The following CDYL2 variants were observed in gnomAD, a reference collection of about 807,000 sequenced individuals.
CDYL2 encodes the protein chromodomain Y like 2.
Under a neutral mutation model 49.4 loss-of-function variants are expected in CDYL2, and 23 were observed. The ratio of observed to expected loss-of-function variants is 0.47; its 90% confidence interval spans 0.34 to 0.66. The LOEUF (loss-of-function observed/expected upper bound fraction) is 0.66. CDYL2 is among the 30% of genes least tolerant of loss of function. The probability of loss-of-function intolerance (pLI) is 0.01; values close to 1 mark genes in which losing one functional copy is unlikely to be tolerated. For synonymous variants in CDYL2, 360 were observed against 268.8 expected (o/e 1.34, Z -3.32); for missense variants, 678 against 656.4 (o/e 1.03, Z -0.36).
In CDYL2 at chr16:80,600,268, T is replaced by C. The variant is rs372085944; in HGVS notation, c.*4120A>G. On this transcript the variant is annotated 3_prime_UTR_variant, in exon 7 of 7. Transcript: ENST00000570137. ...AATGAAAAAATTGGCACCAAACCAG[T>C]ATGCTATTTTTCAAAAGAACAAGTG... The C allele has an allele frequency of 6.6e-6, 1 of 152,172 alleles. No individual in the cohort carries two copies. The highest frequency in any genetic ancestry group is 2.4e-5 in the African/African-American group (1 of 41,452). 9.4% of individuals were successfully genotyped at this position (152,172 alleles called of 1,614,324 possible).
At chr16:80,742,868 A>T (rs1406484989) in intron 1 of CDYL2, among the ~76,000 whole-genome samples, 4 of 148,306 alleles carry the variant, frequency 2.7e-5, no homozygotes, top group African/African-American at 7.5e-5. Flanking sequence ...TGAATGGGTG[A>T]GTGGGTAGAT....
At chr16:80,764,396 A>G (rs571533357) in intron 1 of CDYL2, among the ~76,000 whole-genome samples, 1 of 152,328 alleles carries the variant, frequency 6.6e-6, no homozygotes, top group East Asian at 1.9e-4. Flanking sequence ...GGAAGACCCA[A>G]GAGTACAGTG....
intron 1 of CDYL2, among the ~76,000 whole-genome samples, chr16:80,701,867 G>T (rs924771306): frequency 6.6e-6 from 1 of 152,076 alleles, no homozygotes. Context: ...TAATGAGAAG[G>T]CACTTCTACA....
intron 1 of CDYL2, among the ~76,000 whole-genome samples, chr16:80,790,999 G>C (rs778755572): frequency 6.6e-6 from 1 of 152,204 alleles, no homozygotes; most frequent in Non-Finnish European, 1.5e-5. Context: ...TCCTTCAACA[G>C]AGTATATGAG....
chr16:80,636,886 A>G (rs987090917), intron 2 of CDYL2, among the ~76,000 whole-genome samples: 3 of 152,234 alleles, frequency 2.0e-5, no homozygotes, highest in African/African-American at 4.8e-5. Context: ...AAAAAGGATG[A>G]GTTCATGTCC....
chr16:80,783,701 A>G (rs972425922), intron 1 of CDYL2, among the ~76,000 whole-genome samples: 1 of 152,266 alleles, frequency 6.6e-6, no homozygotes. Context: ...GTCAGATTAC[A>G]TGCTACATAT....
chr16:80,735,532 C>T (rs1267337534), intron 1 of CDYL2, among the ~76,000 whole-genome samples: 2 of 152,162 alleles, frequency 1.3e-5, no homozygotes, highest in Non-Finnish European at 2.9e-5. Flanking sequence ...GTGATTAATA[C>T]CATCCCCATG....
chr16:80,634,004 C>G (rs374425267), intron 2 of CDYL2, among the ~76,000 whole-genome samples: 4 of 152,078 alleles, frequency 2.6e-5, no homozygotes, highest in African/African-American at 4.8e-5. Flanking sequence ...GCCAACACCC[C>G]CAAACCTCCA....
chr16:80,720,630 C>T (rs560574671), intron 1 of CDYL2, among the ~76,000 whole-genome samples: 1 of 152,322 alleles, frequency 6.6e-6, no homozygotes, highest in Admixed American at 6.5e-5. Context: ...CAAGATGTTG[C>T]TGCTGGGAAA....
intron 4 of CDYL2, among the ~76,000 whole-genome samples, chr16:80,617,904 C>A (rs1906902567): frequency 6.6e-6 from 1 of 152,172 alleles, no homozygotes. Flanking sequence ...CTGAGAACCA[C>A]CAAGGACGAC....
At chr16:80,632,951 A>G (rs1907633313) in intron 3 of CDYL2, 68 bp downstream of exon 3, 1 of 1,470,672 alleles carries the variant, frequency 6.8e-7, no homozygotes, top group South Asian at 1.2e-5. Context: ...GGAGAAAGCC[A>G]ATATTCCATT....
intron 1 of CDYL2, among the ~76,000 whole-genome samples, chr16:80,750,467 T>G (rs889570766): frequency 6.7e-6 from 1 of 148,484 alleles, no homozygotes; most frequent in African/African-American, 2.5e-5. Context: ...AATAAAAAAC[T>G]TAAAAACATT....
Position 80,748,506 on chromosome 16 carries a change from TAAAAAAAAAAAAAAAAAA to T in CDYL2, c.24+55626_24+55643del, listed in dbSNP as rs538432449. On this transcript the variant is annotated intron_variant, in intron 1 of 6. Coordinates refer to ENST00000570137, the MANE Select transcript of CDYL2 (RefSeq NM_152342.4). ...CCTGGGCGACAGAGCAAAACTCCAT[TAAAAAAAAAAAAAAAAAA>T]AAAAAAAAAAAAAAAACTCAGGTGG... is the stretch of plus-strand genomic sequence containing the variant. Among the ~76,000 whole-genome samples the T allele has an allele frequency of 4.1e-3, 79 of 19,146 alleles. 1 individual carries two copies. The highest frequency in any genetic ancestry group is 8.6e-3 in the African/African-American group (55 of 6,378). The allele number at this position is 19,146 out of a possible 152,430, so 12.6% of individuals were successfully genotyped here. A position where few individuals can be genotyped will look rare whatever the true frequency, so the allele number is the denominator to read the frequency against.
At chr16:80,617,247 G>A (rs1906872815) in intron 4 of CDYL2, among the ~76,000 whole-genome samples, 1 of 152,212 alleles carries the variant, frequency 6.6e-6, no homozygotes, top group Non-Finnish European at 1.5e-5. Flanking sequence ...AGGAGGGGGT[G>A]AGAGTACCAC....
chr16:80,674,250 A>C (rs143409843), intron 2 of CDYL2, among the ~76,000 whole-genome samples: 16 of 152,226 alleles, frequency 1.1e-4, no homozygotes, highest in Admixed American at 3.3e-4. Context: ...GGACTAACTC[A>C]AGCAATGCAC....
At chr16:80,791,733 A>G (rs1383057789) in intron 1 of CDYL2, among the ~76,000 whole-genome samples, 1 of 152,218 alleles carries the variant, frequency 6.6e-6, no homozygotes, top group Non-Finnish European at 1.5e-5. Flanking sequence ...CTCTGGATTG[A>G]ATACATGCTG....
At chr16:80,755,555 C>A (rs2142568750) in intron 1 of CDYL2, among the ~76,000 whole-genome samples, 1 of 152,334 alleles carries the variant, frequency 6.6e-6, no homozygotes, top group East Asian at 1.9e-4. Flanking sequence ...CATCCTTACC[C>A]TTTGACCTGC....
At chr16:80,607,997 T>C (rs942849359) in intron 6 of CDYL2, 95 bp downstream of exon 6, 61 of 1,395,506 alleles carry the variant, frequency 4.4e-5, no homozygotes, top group Non-Finnish European at 3.3e-5. Context: ...CTGTGCGACC[T>C]CTAGCAAGTC....
intron 2 of CDYL2, among the ~76,000 whole-genome samples, chr16:80,677,151 T>G (rs1909783778): frequency 1.3e-5 from 2 of 151,702 alleles, no homozygotes; most frequent in South Asian, 2.1e-4. Flanking sequence ...TTGTATTTTT[T>G]TGGAGAGACA....
Sources: gnomAD v4.1 joint callset for allele counts (sites outside exome capture counted in the v4.1 genomes callset) on GRCh38, gnomAD v4.1.1 for gene constraint, MANE v1.5 for transcripts, NCBI Gene and HGNC (gene_info 2026-07-23, HGNC 2026-07-21) for gene names.